UBE2N: variants seen among roughly 807,000 people sequenced by gnomAD.
UBE2N encodes the protein ubiquitin conjugating enzyme E2 N.
For missense variants in UBE2N, 60 were observed against 192.1 expected, an observed-to-expected ratio of 0.31 and a Z score of 4.07; for synonymous variants, 70 against 69.2, an observed-to-expected ratio of 1.01 and a Z score of -0.06.
At chr12:93,440,940 T>C (rs1565800320) in intron 1 of UBE2N, among the ~76,000 whole-genome samples, 1 of 151,580 alleles carries the variant, frequency 6.6e-6, no homozygotes, top group African/African-American at 2.4e-5. Context: ...TTTCACGAGA[T>C]CCCCCACAGA....
Position 93,407,117 on chromosome 12 carries a change from G to C in UBE2N, c.*2922C>G, listed in dbSNP as rs1250202916. ...CCTGCCTTGGCCTCCTAAAGTGCTG[G>C]GATTACAGGCATGAGCCACTGTGCC... On this transcript the variant is annotated 3_prime_UTR_variant, in exon 4 of 4. Coordinates refer to ENST00000318066, the MANE Select transcript of UBE2N (RefSeq NM_003348.4). 6.6e-6 allele frequency: 1 copy of C among 152,386 alleles called. No individual in the cohort carries two copies. Among genetic ancestry groups the C allele is most frequent in the African/African-American group, 2.4e-5 (1 of 41,452 alleles). The allele number at this position is 152,386 out of a possible 1,614,324, so 9.4% of individuals were successfully genotyped here.
Position 93,411,683 on chromosome 12 carries a change from G to T in UBE2N, c.31-384C>A, listed in dbSNP as rs182985763. On this transcript the variant is annotated intron_variant, in intron 1 of 3. Coordinates refer to ENST00000318066, the MANE Select transcript of UBE2N (RefSeq NM_003348.4). ...AAAAGTAAAATTAGCTTTTTTGGTG[G>T]TTTTTTTTGGCTTGTTTGTTTGTTT... is the stretch of plus-strand genomic sequence containing the variant. 7.1e-3 allele frequency among the ~76,000 whole-genome samples: 1,071 copies of T among 151,806 alleles called. 8 individuals are homozygous for T. The highest frequency in any genetic ancestry group is 0.024 in the African/African-American group (986 of 41,382).
At chr12:93,412,506 A>C (rs976623326) in intron 1 of UBE2N, among the ~76,000 whole-genome samples, 1 of 152,230 alleles carries the variant, frequency 6.6e-6, no homozygotes, top group Non-Finnish European at 1.5e-5. Flanking sequence ...ACTTGAACAT[A>C]AATTTAATTT....
At position 93,411,044 on chromosome 12, in the gene UBE2N, A is replaced by T. The variant is rs1482181597; in HGVS notation, c.277+9T>A. On this transcript the variant is annotated intron_variant, in intron 2 of 3. Coordinates refer to ENST00000318066, the MANE Select transcript of UBE2N (RefSeq NM_003348.4). ...AATAATAGCATATGCTGATAAAGAT[A>T]ACACTTACCTTTCAAAATATCTAAA... 1.9e-5 allele frequency: 31 copies of T among 1,614,064 alleles called. No homozygotes were observed. Among genetic ancestry groups the T allele is most frequent in the Non-Finnish European group, 2.6e-5 (31 of 1,179,998 alleles).
intron 1 of UBE2N, among the ~76,000 whole-genome samples, chr12:93,424,977 CCATTTTCCCA>C (rs1369082584): frequency 6.6e-6 from 1 of 152,110 alleles, no homozygotes; most frequent in Non-Finnish European, 1.5e-5. Context: ...AACGAACAAA[CCATTTTCCCA>C]CACACTAGGA....
chr12:93,427,181 A>T (rs1033932140), intron 1 of UBE2N, among the ~76,000 whole-genome samples: 1 of 152,206 alleles, frequency 6.6e-6, no homozygotes, highest in Non-Finnish European at 1.5e-5. Context: ...CAGCCTCCCA[A>T]AGGGCTGGGA....
chr12:93,430,871 C>G (rs900191820), intron 1 of UBE2N, among the ~76,000 whole-genome samples: 5 of 150,094 alleles, frequency 3.3e-5, no homozygotes, highest in Non-Finnish European at 5.9e-5. Flanking sequence ...CCCAGCTACT[C>G]GGGATGCTGA....
At chr12:93,438,013 G>A (rs139854765) in intron 1 of UBE2N, among the ~76,000 whole-genome samples, 4 of 152,298 alleles carry the variant, frequency 2.6e-5, no homozygotes, top group East Asian at 3.9e-4. Flanking sequence ...GGTGGAAAAC[G>A]AGACTAGCTT....
intron 1 of UBE2N, among the ~76,000 whole-genome samples, chr12:93,420,803 T>G (rs1411246682): frequency 6.6e-6 from 1 of 152,058 alleles, no homozygotes; most frequent in Admixed American, 6.6e-5. Context: ...AGAAAAACTG[T>G]TAAGCTGAAT....
At chr12:93,431,652 A>G (rs1206902188) in intron 1 of UBE2N, among the ~76,000 whole-genome samples, 1 of 152,228 alleles carries the variant, frequency 6.6e-6, no homozygotes, top group Non-Finnish European at 1.5e-5. Context: ...AACAGCTGCC[A>G]CACTGCATGC....
chr12:93,414,882 A>G (rs1024538991), intron 1 of UBE2N, among the ~76,000 whole-genome samples: 1 of 152,180 alleles, frequency 6.6e-6, no homozygotes, highest in Non-Finnish European at 1.5e-5. Context: ...ATTTGAGTCT[A>G]TTTTATGGAC....
At chr12:93,415,886 C>T (rs926937309) in intron 1 of UBE2N, among the ~76,000 whole-genome samples, 1 of 152,210 alleles carries the variant, frequency 6.6e-6, no homozygotes. Context: ...CAAAATCACT[C>T]TCAATACACA....
At chr12:93,410,643 C>A (rs941888182) in intron 3 of UBE2N, 91 bp downstream of exon 3, 1 of 1,546,574 alleles carries the variant, frequency 6.5e-7, no homozygotes. Context: ...TTTTCTATTT[C>A]TTTTCCTTGC....
chr12:93,440,851 T>G (rs572109661), intron 1 of UBE2N, among the ~76,000 whole-genome samples: 1 of 152,288 alleles, frequency 6.6e-6, no homozygotes, highest in African/African-American at 2.4e-5. Flanking sequence ...ATGTCATGGT[T>G]CCATACATAC....
chr12:93,417,678 A>C (rs1291151349), intron 1 of UBE2N, among the ~76,000 whole-genome samples: 2 of 152,232 alleles, frequency 1.3e-5, no homozygotes, highest in African/African-American at 4.8e-5. Flanking sequence ...CTGATAACTC[A>C]GTAACTGCCA....
intron 3 of UBE2N, chr12:93,410,487 C>G: frequency 1.7e-6 from 1 of 592,006 alleles, no homozygotes; most frequent in South Asian, 2.2e-5. Context: ...ATGGTATGCA[C>G]TCAGTATTTG....
In UBE2N at chr12:93,409,085, C is replaced by T. The variant is rs1877954242; in HGVS notation, c.*954G>A. 1 of 152,584 alleles carries T rather than the reference C, an allele frequency of 6.6e-6. No homozygotes were observed. The highest frequency in any genetic ancestry group is 1.5e-5 in the Non-Finnish European group (1 of 68,040). 9.5% of individuals were successfully genotyped at this position (152,584 alleles called of 1,614,324 possible). ...TGATCATCTAATCAGACAACACAAA[C>T]ACATTTATTTCAAATTCCTAGAAGG... On this transcript the variant is annotated 3_prime_UTR_variant, in exon 4 of 4. Transcript: ENST00000318066.
intron 1 of UBE2N, among the ~76,000 whole-genome samples, chr12:93,431,962 G>A (rs774114472): frequency 5.8e-4 from 88 of 152,228 alleles, no homozygotes; most frequent in Non-Finnish European, 1.0e-3. Flanking sequence ...GGCTGGGCGC[G>A]GTGGCTCCTG....
At position 93,407,739 on chromosome 12, in the gene UBE2N, C is replaced by T. The variant is rs1254267591; in HGVS notation, c.*2300G>A. 2 of 152,150 alleles carry T rather than the reference C, an allele frequency of 1.3e-5. No homozygotes were observed. Among genetic ancestry groups the T allele is most frequent in the Non-Finnish European group, 2.9e-5 (2 of 68,030 alleles). The allele number at this position is 152,150 out of a possible 1,614,324, so 9.4% of individuals were successfully genotyped here. A position where few individuals can be genotyped will look rare whatever the true frequency, so the allele number is the denominator to read the frequency against. On this transcript the variant is annotated 3_prime_UTR_variant, in exon 4 of 4. Transcript: ENST00000318066. ...GTTTTAACCAGCCACACTGTGTGGG[C>T]CAGGGAAAACAGGCCCAAAGGCCAG...
Sources: gnomAD v4.1 joint callset for allele counts (sites outside exome capture counted in the v4.1 genomes callset) on GRCh38, gnomAD v4.1.1 for gene constraint, MANE v1.5 for transcripts, NCBI Gene and HGNC (gene_info 2026-07-23, HGNC 2026-07-21) for gene names.